Variants in HNF4A observed in about 807,000 individuals in gnomAD.
HNF4A encodes hepatocyte nuclear factor 4-alpha.
HNF4A carries 15 observed loss-of-function variants against 52.4 expected under a neutral mutation model. That is an observed-to-expected ratio of 0.29 (90% confidence interval 0.19 to 0.44). HNF4A has a LOEUF of 0.44. Among genes scored for constraint, HNF4A ranks in the 20% least tolerant of loss-of-function variants. The pLI is 1.00. For synonymous variants in HNF4A, 280 were observed against 264.4 expected, an observed-to-expected ratio of 1.06 and a Z score of -0.57; for missense variants, 479 against 647.2, an observed-to-expected ratio of 0.74 and a Z score of 2.82.
intron 1 of HNF4A, among the ~76,000 whole-genome samples, chr20:44,369,631 G>A (rs116357550): frequency 0.01 from 1,523 of 152,034 alleles, 20 homozygotes; most frequent in African/African-American, 0.034. Context: ...GCTTTGTATC[G>A]CCCTTCAAAT....
intron 1 of HNF4A, among the ~76,000 whole-genome samples, chr20:44,362,584 A>G (rs2062929118): frequency 6.6e-6 from 1 of 151,444 alleles, no homozygotes; most frequent in Non-Finnish European, 1.5e-5. Flanking sequence ...GATGTTGGCT[A>G]TTTGATATGT....
At chr20:44,412,231 G>A (rs566105844) in intron 3 of HNF4A, among the ~76,000 whole-genome samples, 1 of 152,310 alleles carries the variant, frequency 6.6e-6, no homozygotes, top group African/African-American at 2.4e-5. Context: ...TTCTCAGAGA[G>A]AGACAGATAG....
intron 7 of HNF4A, among the ~76,000 whole-genome samples, chr20:44,423,711 C>T (rs969148174): frequency 6.6e-6 from 1 of 152,206 alleles, no homozygotes; most frequent in African/African-American, 2.4e-5. Context: ...CTGGGTTTCC[C>T]CGTGTGTAAG....
At chr20:44,393,942 CT>C (rs985790904) in intron 1 of HNF4A, among the ~76,000 whole-genome samples, 61 of 152,262 alleles carry the variant, frequency 4.0e-4, no homozygotes, top group African/African-American at 1.4e-3. Flanking sequence ...GTCTCAAACT[CT>C]TGGGCTCAAG....
At chr20:44,409,155 C>A (rs1263326066) in intron 3 of HNF4A, among the ~76,000 whole-genome samples, 2 of 152,128 alleles carry the variant, frequency 1.3e-5, no homozygotes, top group Non-Finnish European at 2.9e-5. Context: ...GTCCCCAAGG[C>A]CTGCTCTGAA....
chr20:44,372,834 T>C (rs1057435959), intron 1 of HNF4A: 1 of 152,104 alleles, frequency 6.6e-6, no homozygotes, highest in Non-Finnish European at 1.5e-5. Context: ...TCCTGAAGAC[T>C]TAGGGGGCCG....
intron 1 of HNF4A, among the ~76,000 whole-genome samples, chr20:44,370,023 T>C (rs2063015431): frequency 6.6e-6 from 1 of 152,006 alleles, no homozygotes; most frequent in Admixed American, 6.6e-5. Context: ...ACTTTTGTTT[T>C]TTTTGTTTGT....
intron 3 of HNF4A, among the ~76,000 whole-genome samples, chr20:44,409,099 T>A (rs1348529064): frequency 6.6e-6 from 1 of 152,112 alleles, no homozygotes; most frequent in Admixed American, 6.5e-5. Flanking sequence ...GCTCATGAGC[T>A]GTCTTGGAAA....
intron 1 of HNF4A, among the ~76,000 whole-genome samples, chr20:44,361,345 G>C (rs1222438806): frequency 6.6e-6 from 1 of 152,172 alleles, no homozygotes; most frequent in African/African-American, 2.4e-5. Flanking sequence ...CTCCCATTTA[G>C]TAAACAGAGG....
At chr20:44,387,148 A>T (rs1476141418) in intron 1 of HNF4A, among the ~76,000 whole-genome samples, 1 of 151,964 alleles carries the variant, frequency 6.6e-6, no homozygotes, top group Non-Finnish European at 1.5e-5. Flanking sequence ...ACTAAAAATT[A>T]AAAAATTAGC....
intron 1 of HNF4A, among the ~76,000 whole-genome samples, chr20:44,385,478 G>T (rs1164727807): frequency 2.0e-5 from 3 of 152,034 alleles, no homozygotes; most frequent in Admixed American, 6.6e-5. Context: ...TAATTTGTTT[G>T]TTTATTAATT....
rs1047584176 is a variant in HNF4A, at chr20:44,430,407, C to T, written c.*742C>T. 1 of 152,290 alleles carries T rather than the reference C, an allele frequency of 6.6e-6. No homozygotes were observed. Among genetic ancestry groups the T allele is most frequent in the African/African-American group, 2.4e-5 (1 of 41,394 alleles). 9.4% of individuals were successfully genotyped at this position (152,290 alleles called of 1,614,324 possible). On this transcript the variant is annotated 3_prime_UTR_variant, in exon 10 of 10. Coordinates refer to ENST00000316099, the MANE Select transcript of HNF4A (RefSeq NM_000457.6). ...TGAGGATCCCTGAAGGCCTTCAACCCGAGAAAACAAACCCAGGTTGGCGAC... is the reference window on the plus strand; with the variant it reads ...TGAGGATCCCTGAAGGCCTTCAACCTGAGAAAACAAACCCAGGTTGGCGAC...
intron 1 of HNF4A, among the ~76,000 whole-genome samples, chr20:44,385,515 C>T (rs1271329580): frequency 1.3e-5 from 2 of 152,162 alleles, no homozygotes; most frequent in African/African-American, 2.4e-5. Flanking sequence ...GTCGCCCAGG[C>T]TGGAGTGTAG....
intron 1 of HNF4A, among the ~76,000 whole-genome samples, chr20:44,364,793 T>C (rs746179309): frequency 2.6e-5 from 4 of 152,082 alleles, no homozygotes; most frequent in Non-Finnish European, 5.9e-5. Context: ...TGGGATTATA[T>C]TAGTTCAGAC....
rs567943762 is a variant in HNF4A at position 44,388,439 on chromosome 20, A to G, written c.50-17619A>G. ...GAAGTTTAGTAGGTGGTGGAAGGGC[A>G]GCGGCTGCTACCCTGGGAACTGGTT... On this transcript the variant is annotated intron_variant, in intron 1 of 9. Transcript: ENST00000316673. Among the ~76,000 whole-genome samples, 8 of 140,144 alleles carry G rather than the reference A, an allele frequency of 5.7e-5. No homozygotes were observed. In the South Asian group the frequency reaches 1.4e-3, roughly 24 times the overall value. The allele number at this position is 140,144 out of a possible 152,430, so 91.9% of individuals were successfully genotyped here.
chr20:44,397,720 A>G (rs924337285), upstream of HNF4A, among the ~76,000 whole-genome samples: 2 of 151,944 alleles, frequency 1.3e-5, no homozygotes, highest in Non-Finnish European at 2.9e-5. Context: ...CCCAGGTTCA[A>G]GTGATTCTCC....
At chr20:44,376,441 A>G (rs2063086786) in intron 1 of HNF4A, among the ~76,000 whole-genome samples, 1 of 152,124 alleles carries the variant, frequency 6.6e-6, no homozygotes, top group South Asian at 2.1e-4. Flanking sequence ...TCCTTTTTTT[A>G]AAGTAAGAAA....
chr20:44,400,799 T>C (rs2063397473), upstream of HNF4A, among the ~76,000 whole-genome samples: 1 of 152,148 alleles, frequency 6.6e-6, no homozygotes, highest in Non-Finnish European at 1.5e-5. Flanking sequence ...AAGATTGGCA[T>C]CTGGGGCCTG....
At chr20:44,413,636 C>T (rs1388254117) in intron 3 of HNF4A, 58 bp from the exon 4 acceptor site, 2 of 1,287,114 alleles carry the variant, frequency 1.6e-6, no homozygotes, top group African/African-American at 1.5e-5. Context: ...GTCACAGACA[C>T]CCCCACCCCC....
Sources: allele counts gnomAD v4.1 joint callset (sites outside exome capture counted in the v4.1 genomes callset), GRCh38; gene constraint gnomAD v4.1.1; transcripts MANE v1.5; gene names NCBI Gene and HGNC (gene_info 2026-07-23, HGNC 2026-07-21).